BARHL1: variants seen among roughly 807,000 people sequenced by gnomAD.
BARHL1 encodes BarH like homeobox 1.
BARHL1 carries 2 observed loss-of-function variants against 20.1 expected under a neutral mutation model. That is an observed-to-expected ratio of 0.10 (90% CI 0.04 to 0.31). The LOEUF is 0.31. Among genes scored for constraint, BARHL1 ranks in the 10% least tolerant of loss-of-function variants. BARHL1 has a pLI of 1.00. For missense variants in BARHL1, 397 were observed against 454.0 expected, an observed-to-expected ratio of 0.87 and a Z score of 1.14; for synonymous variants, 213 against 209.9, an observed-to-expected ratio of 1.01 and a Z score of -0.13.
Position 132,589,224 on chromosome 9 carries a change from C to T in BARHL1, c.690-4C>T, listed in dbSNP as rs1014917806. On this transcript the variant is annotated splice_region_variant and splice_polypyrimidine_tract_variant and intron_variant, in intron 2 of 2. Coordinates refer to ENST00000263610, the MANE Select transcript of BARHL1 (RefSeq NM_020064.4). ...CCGCCATACGCGTTTATTTCGGCCC[C>T]CAGGACTAAATGGAAGCGACAGACG... 1 of 1,607,954 alleles carries T rather than the reference C, an allele frequency of 6.2e-7. No individual in the cohort carries two copies. The highest frequency in any genetic ancestry group is 1.3e-5 in the African/African-American group (1 of 74,824).
At position 132,587,354 on chromosome 9, in the gene BARHL1, C is replaced by T. The variant is rs201129187; in HGVS notation, c.492C>T (p.Ile164=). Residue 164 remains isoleucine, a synonymous_variant, in exon 2 of 3, where the codon ATC becomes ATT. Coordinates refer to ENST00000263610, the MANE Select transcript of BARHL1 (RefSeq NM_020064.4). This position sits in a 1 kb window ranked among gnomAD's most constrained non-coding sequence, Gnocchi z 5.5. ...TGAAGGAGGAGGGCGACCGCGAGAT[C>T]TCCAGCTCCAGGGACAGTCCCCCGG... is the stretch of plus-strand genomic sequence containing the variant. ...YKVKEEGDRE[I]SSSRDSPPVR... The T allele has an allele frequency of 5.0e-6, 8 of 1,609,250 alleles. No individual in the cohort carries two copies. The Admixed American group carries it at 1.2e-4, about 24-fold the overall frequency.
chr9:132,589,452 GCGCCAGCGAGCCGCCCC>G lies in BARHL1; in HGVS notation c.919_935del (p.Ser307AlafsTer72). 4 of 1,537,284 alleles carry G rather than the reference GCGCCAGCGAGCCGCCCC, an allele frequency of 2.6e-6. No individual in the cohort carries two copies. Among genetic ancestry groups the G allele is most frequent in the Non-Finnish European group, 3.5e-6 (4 of 1,147,166 alleles). Reference sequence around the variant, plus strand: ...CGCATCCTCATCCACGGACTCCAGGGCGCCAGCGAGCCGCCCCCGCCGCTGCCCCCCCTGGCCGGCGT... The same window carrying G: ...CGCATCCTCATCCACGGACTCCAGGGCGCCGCTGCCCCCCCTGGCCGGCGT... On this transcript the variant is annotated frameshift_variant, in exon 3 of 3. Transcript: ENST00000263610. LOFTEE classifies it low-confidence loss of function (END_TRUNC).
Position 132,589,363 on chromosome 9 carries a change from G to T in BARHL1, c.825G>T (p.Ala275=), listed in dbSNP as rs1234646111. The change falls in exon 3 of 3, where the codon GCG becomes GCT. Residue 275 remains alanine, a synonymous_variant. Transcript: ENST00000263610. ...TGGTTTCCAACCTGGACCCCGGCGC[G>T]GCGCTCTACCTGTACCGCGGCCCCA... is the stretch of plus-strand genomic sequence containing the variant. ...QSLVSNLDPG[A]ALYLYRGPSA... 1 of 1,613,308 alleles carries T rather than the reference G, an allele frequency of 6.2e-7. No individual in the cohort carries two copies. The highest frequency in any genetic ancestry group is 1.7e-4 in the Middle Eastern group (1 of 6,054).
intron 2 of BARHL1, 119 bp from the exon 3 acceptor site, chr9:132,589,109 A>G: frequency 6.9e-7 from 1 of 1,456,940 alleles, no homozygotes; most frequent in Non-Finnish European, 9.0e-7. Context: ...TTTATTAACA[A>G]ATGAGTACGA....
intron 1 of BARHL1, among the ~76,000 whole-genome samples, chr9:132,584,316 G>A (rs1002786323): frequency 1.8e-4 from 28 of 152,316 alleles, no homozygotes; most frequent in African/African-American, 6.7e-4. Flanking sequence ...AGGAGTATGA[G>A]GGCTTCATGG....
intron 1 of BARHL1, among the ~76,000 whole-genome samples, chr9:132,584,163 AAGGAAGGG>A (rs1474418212): frequency 2.1e-5 from 3 of 144,830 alleles, no homozygotes; most frequent in East Asian, 1.9e-4. Flanking sequence ...GGAAGGAAGG[AAGGAAGGG>A]AAAGGGAAGA....
chr9:132,584,165 GGA>G (rs1491022770), intron 1 of BARHL1, among the ~76,000 whole-genome samples: 99 of 148,624 alleles, frequency 6.7e-4, no homozygotes, highest in African/African-American at 2.3e-3. Context: ...AAGGAAGGAA[GGA>G]AGGGAAAGGG....
At position 132,587,407 on chromosome 9, in the gene BARHL1, GCACGGCCTTCACCGAC is replaced by G. The variant is rs1208164065; in HGVS notation, c.548_563del (p.Thr183IlefsTer16). On this transcript the variant is annotated frameshift_variant, in exon 2 of 3. Transcript: ENST00000263610. LOFTEE classifies it high-confidence loss of function. This position sits in a 1 kb window ranked among gnomAD's most constrained non-coding sequence, Gnocchi z 5.5. The stretch of plus-strand genomic sequence containing the variant: ...CGCCTGAAAAAGCCACGCAAGGCGC[GCACGGCCTTCACCGAC>G]CATCAGCTGGCGCAGCTGGAGCGCA... 6.2e-7 allele frequency: 1 copy of G among 1,612,502 alleles called. No individual in the cohort carries two copies. The highest frequency in any genetic ancestry group is 8.5e-7 in the Non-Finnish European group (1 of 1,179,720).
intron 2 of BARHL1, among the ~76,000 whole-genome samples, chr9:132,588,856 A>C (rs1830175748): frequency 6.6e-6 from 1 of 152,056 alleles, no homozygotes; most frequent in South Asian, 2.1e-4. Context: ...AGGCACGCGC[A>C]GGGAGGAGCA....
intron 2 of BARHL1, 139 bp from the exon 3 acceptor site, chr9:132,589,089 C>T (rs773598846): frequency 5.6e-6 from 8 of 1,416,672 alleles, no homozygotes; most frequent in Non-Finnish European, 7.4e-6. Flanking sequence ...TGGTGCCTGG[C>T]ACTCGGTTAT....
chr9:132,588,482 T>C (rs1830169202), intron 2 of BARHL1, among the ~76,000 whole-genome samples: 1 of 152,176 alleles, frequency 6.6e-6, no homozygotes, highest in South Asian at 2.1e-4. Flanking sequence ...ACAGGGCTGG[T>C]GTGGCTGAGC....
At chr9:132,583,407 AT>A (rs1459934248) in intron 1 of BARHL1, 144 bp downstream of exon 1, 7 of 712,726 alleles carry the variant, frequency 9.8e-6, no homozygotes, top group Non-Finnish European at 1.6e-5. Flanking sequence ...TCCTCAGAAC[AT>A]TTCAGCCAGT....
In BARHL1 at chr9:132,582,932, C is replaced by T; in HGVS notation, c.135C>T (p.Ser45=). 6.2e-7 allele frequency: 1 copy of T among 1,613,478 alleles called. No homozygotes were observed. Among genetic ancestry groups the T allele is most frequent in the Non-Finnish European group, 8.5e-7 (1 of 1,179,962 alleles). Residue 45 remains serine, a synonymous_variant, in exon 1 of 3, where the codon AGC becomes AGT. Coordinates refer to ENST00000263610, the MANE Select transcript of BARHL1 (RefSeq NM_020064.4). ...PLELSPRSES[S]SDCSSPASPG... ...AGCTGAGTCCACGCTCAGAGAGCAG[C>T]AGCGACTGCTCTTCGCCAGCCTCTC... is the stretch of plus-strand genomic sequence containing the variant.
intron 1 of BARHL1, among the ~76,000 whole-genome samples, chr9:132,586,226 T>C (rs1830143204): frequency 6.6e-6 from 1 of 152,214 alleles, no homozygotes; most frequent in Non-Finnish European, 1.5e-5. Context: ...GAAATCACCT[T>C]GCATTCAGCT....
chr9:132,589,642 G>T lies in BARHL1; in HGVS notation c.*120G>T. Reference sequence around the variant, plus strand: ...AGGGGGCCCTGCCCGGCCCTCCCTGGCGCCCCAGCCCAGTGCCCCCCGAAG... The same window carrying T: ...AGGGGGCCCTGCCCGGCCCTCCCTGTCGCCCCAGCCCAGTGCCCCCCGAAG... On this transcript the variant is annotated 3_prime_UTR_variant, in exon 3 of 3. Transcript: ENST00000263610. The T allele has an allele frequency of 2.5e-6, 3 of 1,213,234 alleles. No individual in the cohort carries two copies. The highest frequency in any genetic ancestry group is 3.1e-6 in the Non-Finnish European group (3 of 975,628). The allele number at this position is 1,213,234 out of a possible 1,614,324, so 75.2% of individuals were successfully genotyped here.
At chr9:132,586,347 G>C (rs1160650707) in intron 1 of BARHL1, among the ~76,000 whole-genome samples, 1 of 152,266 alleles carries the variant, frequency 6.6e-6, no homozygotes, top group Non-Finnish European at 1.5e-5. Context: ...CAATTTTGGG[G>C]AAGTGGTCTA....
chr9:132,582,948 C>T lies in BARHL1; in HGVS notation c.151C>T (p.Pro51Ser). ...AGAGAGCAGCAGCGACTGCTCTTCGCCAGCCTCTCCAGGAAGGGACTGTTT... is the reference window on the plus strand; with the variant it reads ...AGAGAGCAGCAGCGACTGCTCTTCGTCAGCCTCTCCAGGAAGGGACTGTTT... ...RSESSSDCSSPASPGRDCLET... is the reference protein window; with the variant it reads ...RSESSSDCSSSASPGRDCLET... Residue 51 changes from proline to serine, a missense_variant, in exon 1 of 3, where the codon CCA (proline) becomes TCA (serine). Transcript: ENST00000263610. 1.2e-6 allele frequency: 2 copies of T among 1,613,842 alleles called. No homozygotes were observed. The highest frequency in any genetic ancestry group is 1.7e-6 in the Non-Finnish European group (2 of 1,179,972).
intron 2 of BARHL1, among the ~76,000 whole-genome samples, chr9:132,588,659 G>A (rs1830173084): frequency 6.6e-6 from 1 of 152,138 alleles, no homozygotes; most frequent in Non-Finnish European, 1.5e-5. Flanking sequence ...GATGGCAGGT[G>A]CAGCCTGCTC....
At position 132,589,538 on chromosome 9, in the gene BARHL1, C is replaced by CG; in HGVS notation, c.*20dup. 7.8e-7 allele frequency: 1 copy of CG among 1,285,678 alleles called. No homozygotes were observed. Among genetic ancestry groups the CG allele is most frequent in the Non-Finnish European group, 9.8e-7 (1 of 1,020,356 alleles). 79.6% of individuals were successfully genotyped at this position (1,285,678 alleles called of 1,614,324 possible). On this transcript the variant is annotated 3_prime_UTR_variant, in exon 3 of 3. Transcript: ENST00000263610. The stretch of plus-strand genomic sequence containing the variant: ...GCCTCGGTGAGGCGCCCGTCGGCTC[C>CG]GGGGCCTCCTCCCGCGGGCTCGGCG...
Sources: gnomAD v4.1 joint callset for allele counts (sites outside exome capture counted in the v4.1 genomes callset) on GRCh38, gnomAD v4.1.1 for gene constraint, Gnocchi (gnomAD v3.1) non-coding constraint, MANE v1.5 for transcripts, NCBI Gene and HGNC (gene_info 2026-07-23, HGNC 2026-07-21) for gene names.